Variants in FAM217A observed in about 807,000 individuals in gnomAD.
FAM217A encodes family with sequence similarity 217 member A.
FAM217A carries 13 observed loss-of-function variants against 18.5 expected under a neutral mutation model. The observed-to-expected ratio is 0.70, with a 90% CI of 0.46 to 1.12. FAM217A has a LOEUF of 1.12. Ranked by LOEUF, FAM217A falls within the 50% of genes most tolerant of loss-of-function variation. FAM217A has a pLI of 0.00. For synonymous variants in FAM217A, 161 were observed against 202.8 expected, an observed-to-expected ratio of 0.79 and a Z score of 1.75; for missense variants, 560 against 575.4, an observed-to-expected ratio of 0.97 and a Z score of 0.27.
In FAM217A at chr6:4,079,016, C is replaced by A. The variant is rs13203009; in HGVS notation, c.-199G>T. 24,906 of 456,690 alleles carry A rather than the reference C, an allele frequency of 0.055. 902 individuals carry two copies. Among genetic ancestry groups the A allele is most frequent in the Non-Finnish European group, 0.069 (17,917 of 258,180 alleles). 28.3% of individuals were successfully genotyped at this position (456,690 alleles called of 1,614,324 possible). On this transcript the variant is annotated 5_prime_UTR_variant, in exon 1 of 7. Coordinates refer to ENST00000274673, the MANE Select transcript of FAM217A (RefSeq NM_173563.3). ...GCGGCGGGCGGCTGGCGGCCTTGAG[C>A]GCAGCCCGGTCGGCAGTGCAGGGCC... is the stretch of plus-strand genomic sequence containing the variant.
upstream of FAM217A, among the ~76,000 whole-genome samples, chr6:4,080,935 C>T (rs750929706): frequency 1.1e-4 from 16 of 147,812 alleles, no homozygotes; most frequent in Non-Finnish European, 2.2e-4. Context: ...GGAGAGAAAA[C>T]AAAAGTTGCT....
chr6:4,068,691 AAG>A lies in FAM217A; in HGVS notation c.*3_*4del. On this transcript the variant is annotated 3_prime_UTR_variant, in exon 7 of 7. Coordinates refer to ENST00000274673, the MANE Select transcript of FAM217A (RefSeq NM_173563.3). ...GTTCACATTGAGATGTATGAAAGAA[AAG>A]AGTTATTTTTGTTCAATGGGTGAGC... The A allele has an allele frequency of 5.7e-6, 9 of 1,585,274 alleles. No homozygotes were observed. The South Asian group carries it at 8.2e-5, about 14-fold the overall frequency.
rs757737319 is a variant in FAM217A, at chr6:4,069,206, CAA to C, written c.1015_1016del (p.Leu339GlufsTer9). ...KVRQPKLCDSLSLQIPCVDKS... is the reference protein window; with the variant it reads ...KVRQPKLCDSXSLQIPCVDKS... ...TATCTACACAAGGTATCTGAAGACT[CAA>C]AGAGTCGCAAAGTTTTGGCTGTCTC... is the stretch of plus-strand genomic sequence containing the variant. On this transcript the variant is annotated frameshift_variant, in exon 7 of 7. Transcript: ENST00000274673. LOFTEE classifies it low-confidence loss of function (END_TRUNC). 2.0e-5 allele frequency: 32 copies of C among 1,612,148 alleles called. No individual in the cohort carries two copies. In the Admixed American group the frequency reaches 2.0e-4, roughly 10 times the overall value.
chr6:4,072,677 G>A (rs1581878681), intron 6 of FAM217A, among the ~76,000 whole-genome samples: 1 of 151,856 alleles, frequency 6.6e-6, no homozygotes. Flanking sequence ...CAGGAGAATT[G>A]CTTCAACCCA....
intron 1 of FAM217A, among the ~76,000 whole-genome samples, chr6:4,085,949 A>T (rs1348025735): frequency 6.6e-6 from 1 of 151,884 alleles, no homozygotes. Context: ...GTCTCTACAA[A>T]AGAAAAATAA....
At chr6:4,085,168 C>G (rs1250197137) in intron 1 of FAM217A, among the ~76,000 whole-genome samples, 1 of 152,158 alleles carries the variant, frequency 6.6e-6, no homozygotes, top group Non-Finnish European at 1.5e-5. Flanking sequence ...AGATCAAGAT[C>G]ACACAGCTGG....
At chr6:4,082,457 T>C (rs575233229), upstream of FAM217A, among the ~76,000 whole-genome samples, 2 of 152,350 alleles carry the variant, frequency 1.3e-5, no homozygotes, top group South Asian at 2.1e-4. Context: ...TCTTCTCCAA[T>C]GCAGGTTACA....
exon 2 of FAM217A, chr6:4,084,641 A>G (rs763195702): frequency 1.6e-5 from 11 of 702,868 alleles, no homozygotes; most frequent in Admixed American, 1.2e-4. Flanking sequence ...CTCCCACCTC[A>G]TTTGTTGTGA....
At chr6:4,074,317 G>C (rs1279455678) in intron 4 of FAM217A, 126 bp downstream of exon 4, 2 of 675,044 alleles carry the variant, frequency 3.0e-6, no homozygotes, top group Non-Finnish European at 4.8e-6. Flanking sequence ...ACTTTGACTT[G>C]TGTGAAGAAC....
At chr6:4,074,813 G>T (rs1037402634) in intron 2 of FAM217A, 152 bp from the exon 3 acceptor site, 5 of 598,384 alleles carry the variant, frequency 8.4e-6, no homozygotes, top group Admixed American at 3.1e-5. Context: ...CATCTTTGAG[G>T]AGAAAGCAAT....
At chr6:4,084,042 T>A (rs1057107189), upstream of FAM217A, among the ~76,000 whole-genome samples, 7 of 152,384 alleles carry the variant, frequency 4.6e-5, no homozygotes, top group African/African-American at 1.7e-4. Context: ...TTGTTTTTCC[T>A]TTTTGAGAAC....
At position 4,069,700 on chromosome 6, in the gene FAM217A, T is replaced by C; in HGVS notation, c.523A>G (p.Asn175Asp). The C allele has an allele frequency of 6.2e-7, 1 of 1,614,212 alleles. No individual in the cohort carries two copies. The highest frequency in any genetic ancestry group is 8.5e-7 in the Non-Finnish European group (1 of 1,180,048). Residue 175 changes from asparagine to aspartate, a missense_variant, in exon 7 of 7, where the codon AAC becomes GAC. By Grantham distance (23) the Asn-to-Asp change is conservative. Transcript: ENST00000274673. ...IHVSSCSTIE[N>D]NDGETLPAPN... ...GCAGGTAATGTTTCACCATCATTGT[T>C]TTCTATAGTTGAACATGAACTAACA...
At position 4,068,663 on chromosome 6, in the gene FAM217A, T is replaced by C; in HGVS notation, c.*33A>G. The C allele has an allele frequency of 1.3e-6, 2 of 1,551,510 alleles. No homozygotes were observed. Among genetic ancestry groups the C allele is most frequent in the Non-Finnish European group, 8.7e-7 (1 of 1,154,500 alleles). ...TCTTAGTTGGGCTTCTTAGAGTAGA[T>C]GTGTTCACATTGAGATGTATGAAAG... On this transcript the variant is annotated 3_prime_UTR_variant, in exon 7 of 7. Coordinates refer to ENST00000274673, the MANE Select transcript of FAM217A (RefSeq NM_173563.3).
At position 4,069,288 on chromosome 6, in the gene FAM217A, A is replaced by G; in HGVS notation, c.935T>C (p.Phe312Ser). 6.2e-7 allele frequency: 1 copy of G among 1,614,114 alleles called. No individual in the cohort carries two copies. Among genetic ancestry groups the G allele is most frequent in the Non-Finnish European group, 8.5e-7 (1 of 1,180,018 alleles). Residue 312 changes from phenylalanine to serine, a missense_variant, in exon 7 of 7, where the codon TTC (phenylalanine) becomes TCC (serine). Transcript: ENST00000274673. ...QKERPRLQTT[F>S]CTPAVTERPS... ...TCGTTCAGTAACTGCTGGAGTACAG[A>G]AAGTCGTTTGTAGTCTTGGCCTCTC...
At chr6:4,074,887 A>T (rs1014285626) in intron 2 of FAM217A, among the ~76,000 whole-genome samples, 3 of 151,708 alleles carry the variant, frequency 2.0e-5, no homozygotes, top group African/African-American at 7.2e-5. Context: ...GGCTTTTACA[A>T]TAATTTGTGG....
At chr6:4,079,604 G>A (rs1453575185), upstream of FAM217A, 6 of 1,287,424 alleles carry the variant, frequency 4.7e-6, no homozygotes, top group Admixed American at 6.9e-5. Context: ...GTGGGCCTCT[G>A]GGACCCGGGG....
At chr6:4,086,590 T>C (rs1770681760) in intron 1 of FAM217A, among the ~76,000 whole-genome samples, 1 of 152,160 alleles carries the variant, frequency 6.6e-6, no homozygotes, top group Non-Finnish European at 1.5e-5. Flanking sequence ...GTTTTTAAGG[T>C]TGGTGAAAAG....
intron 4 of FAM217A, 34 bp downstream of exon 4, chr6:4,074,409 T>A: frequency 6.5e-7 from 1 of 1,535,234 alleles, no homozygotes; most frequent in Non-Finnish European, 8.9e-7. Flanking sequence ...TCGTATGTTT[T>A]ATGAATACCT....
upstream of FAM217A, chr6:4,079,524 C>T: frequency 1.0e-6 from 1 of 997,418 alleles, no homozygotes; most frequent in Non-Finnish European, 1.4e-6. Flanking sequence ...TTGACCCTCC[C>T]CAGGCCTTCC....
Sources: gnomAD v4.1 joint callset for allele counts (sites outside exome capture counted in the v4.1 genomes callset) on GRCh38, gnomAD v4.1.1 for gene constraint, MANE v1.5 for transcripts, NCBI Gene and HGNC (gene_info 2026-07-23, HGNC 2026-07-21) for gene names.